UGT1A4: variants seen among roughly 807,000 people sequenced by gnomAD.
The protein encoded by UGT1A4 is UDP glucuronosyltransferase family 1 member A4.
A neutral mutation model predicts 41.1 loss-of-function variants in UGT1A4; 32 were observed. The observed-to-expected ratio is 0.78, with a 90% confidence interval of 0.59 to 1.05. The LOEUF is 1.05. Ranked by LOEUF, UGT1A4 falls within the 50% of genes least tolerant of loss-of-function variation. The pLI is 0.00. For synonymous variants in UGT1A4, 283 were observed against 265.1 expected (o/e 1.07, Z -0.66); for missense variants, 748 against 677.4 (o/e 1.10, Z -1.16).
intron 1 of UGT1A4, chr2:233,729,865 G>C (rs2077938207): frequency 3.7e-6 from 6 of 1,613,698 alleles, no homozygotes; most frequent in African/African-American, 1.3e-5. Context: ...GTCAGTGGTG[G>C]ATATTCTCAG....
chr2:233,760,683 C>G, intron 1 of UGT1A4: 1 of 1,614,204 alleles, frequency 6.2e-7, no homozygotes, highest in Non-Finnish European at 8.5e-7. Context: ...ACTTACTGCA[C>G]AACAAGGAGC....
At chr2:233,729,044 T>G (rs1356759266) in intron 1 of UGT1A4, 1 of 1,607,146 alleles carries the variant, frequency 6.2e-7, no homozygotes, top group East Asian at 2.2e-5. Context: ...AGTGGCTCAG[T>G]GACAAGGTAA....
chr2:233,726,352 A>G (rs1342546979), intron 1 of UGT1A4, among the ~76,000 whole-genome samples: 1 of 152,162 alleles, frequency 6.6e-6, no homozygotes, highest in Non-Finnish European at 1.5e-5. Context: ...TGATTTATTT[A>G]TTTAAAACAC....
intron 1 of UGT1A4, among the ~76,000 whole-genome samples, chr2:233,725,052 CGGCGCGCGCCTG>C (rs2077353834): frequency 6.8e-6 from 1 of 147,562 alleles, no homozygotes; most frequent in African/African-American, 2.5e-5. Flanking sequence ...TCAGGCGTGG[CGGCGCGCGCCTG>C]CAATCGCAGG....
At position 233,767,094 on chromosome 2, in the gene UGT1A4, T is replaced by C; in HGVS notation, c.928T>C (p.Ser310Pro). The change falls in exon 2 of 5, where the codon TCA (serine) becomes CCA (proline). Residue 310 changes from serine (S) to proline (P), a missense_variant. Ser to Pro is a moderately conservative substitution (Grantham distance 74). Transcript: ENST00000373409. ...EHGIVVFSLG[S>P]MVSEIPEKKA... is the part of the protein sequence containing the mutation. The stretch of plus-strand genomic sequence containing the variant: ...TGGAATTGTGGTTTTCTCTTTGGGA[T>C]CAATGGTCTCAGAAATTCCAGAGAA... The C allele has an allele frequency of 1.2e-6, 2 of 1,614,120 alleles. No individual in the cohort carries two copies. The highest frequency in any genetic ancestry group is 1.7e-6 in the Non-Finnish European group (2 of 1,180,014).
chr2:233,772,138 AG>A lies in UGT1A4; in HGVS notation c.1308-123del, dbSNP rs1367045628. 6 of 1,548,126 alleles carry A rather than the reference AG, an allele frequency of 3.9e-6. No homozygotes were observed. In the African/African-American group the frequency reaches 8.2e-5, roughly 21 times the overall value. ...TAAAAACAACAACAACAACAATAATAGAAACAGGTTTCCTTTCCCAAGTTTG... is the reference window on the plus strand; with the variant it reads ...TAAAAACAACAACAACAACAATAATAAAACAGGTTTCCTTTCCCAAGTTTG... On this transcript the variant is annotated intron_variant, in intron 4 of 4. Coordinates refer to ENST00000373409, the MANE Select transcript of UGT1A4 (RefSeq NM_007120.3).
At position 233,773,229 on chromosome 2, in the gene UGT1A4, G is replaced by T. The variant is rs71539604; in HGVS notation, c.*670G>T. On this transcript the variant is annotated 3_prime_UTR_variant, in exon 5 of 5. Transcript: ENST00000373409. ...AAAACCCAAAATACAGCTATGAAGT[G>T]CTGGGCAAGTTTACTTTTTTTCTGA... 2 of 152,312 alleles carry T rather than the reference G, an allele frequency of 1.3e-5. No individual in the cohort carries two copies. The highest frequency in any genetic ancestry group is 2.9e-5 in the Non-Finnish European group (2 of 68,032). The allele number at this position is 152,312 out of a possible 1,614,324, so 9.4% of individuals were successfully genotyped here.
At chr2:233,743,997 T>A (rs1692639058) in intron 1 of UGT1A4, 2 of 1,236,004 alleles carry the variant, frequency 1.6e-6, no homozygotes, top group Non-Finnish European at 2.1e-6. Flanking sequence ...GCCCGAGTGC[T>A]CGGAGACCTG....
intron 1 of UGT1A4, among the ~76,000 whole-genome samples, chr2:233,765,026 C>T (rs2741015): frequency 2.6e-5 from 4 of 151,980 alleles, no homozygotes; most frequent in Admixed American, 2.0e-4. Context: ...TGGCAGGAGT[C>T]CTGCTGTGCA....
At chr2:233,722,847 T>TATGAAGACACTAC (rs1484611213) in intron 1 of UGT1A4, among the ~76,000 whole-genome samples, 1 of 139,226 alleles carries the variant, frequency 7.2e-6, no homozygotes, top group African/African-American at 2.9e-5. Flanking sequence ...GAATGTTTCT[T>TATGAAGACACTAC]TTTTTTTTTT....
In UGT1A4 at chr2:233,761,002, CAG is replaced by C. The variant is rs797046091; in HGVS notation, c.868-6025_868-6024del. On this transcript the variant is annotated intron_variant, in intron 1 of 4. Coordinates refer to ENST00000373409, the MANE Select transcript of UGT1A4 (RefSeq NM_007120.3). The stretch of plus-strand genomic sequence containing the variant: ...TGCAACCCTTGCCTCAGAATTCCTT[CAG>C]AGAGAGGTGACTGTCCAGGACCTAT... The C allele has an allele frequency of 1.5e-5, 25 of 1,614,060 alleles. No individual in the cohort carries two copies. Among genetic ancestry groups the C allele is most frequent in the Non-Finnish European group, 2.0e-5 (24 of 1,180,054 alleles).
intron 4 of UGT1A4, chr2:233,770,377 G>C (rs1211488828): frequency 6.6e-6 from 1 of 152,200 alleles, no homozygotes; most frequent in African/African-American, 2.4e-5. Flanking sequence ...GTTCTGGCCA[G>C]GTACGGTGGC....
At chr2:233,760,524 C>A in intron 1 of UGT1A4, 1 of 1,614,240 alleles carries the variant, frequency 6.2e-7, no homozygotes, top group Non-Finnish European at 8.5e-7. Context: ...TGAAGACGTA[C>A]CCTGTGCCAT....
rs1187391866 is a variant in UGT1A4 at position 233,724,541 on chromosome 2, C to T, written c.867+4854C>T. Among the ~76,000 whole-genome samples the T allele has an allele frequency of 2.0e-4, 24 of 122,440 alleles. 1 individual carries two copies. Among genetic ancestry groups the T allele is most frequent in the Admixed American group, 1.0e-3 (13 of 12,646 alleles). 80.3% of individuals were successfully genotyped at this position (122,440 alleles called of 152,430 possible). On this transcript the variant is annotated intron_variant, in intron 1 of 4. Transcript: ENST00000373409. ...CAGATGGGGTCTCGCCGGGCAGAGG[C>T]GCTCCTCACATCCCAGATGGGGCGG... is the stretch of plus-strand genomic sequence containing the variant.
chr2:233,733,760 A>C (rs2078435116), intron 1 of UGT1A4, among the ~76,000 whole-genome samples: 1 of 152,132 alleles, frequency 6.6e-6, no homozygotes, highest in Non-Finnish European at 1.5e-5. Flanking sequence ...ATTTGTCTAA[A>C]ATTTTCTTTT....
At position 233,755,271 on chromosome 2, in the gene UGT1A4, C is replaced by T. The variant is rs549656252; in HGVS notation, c.868-11763C>T. ...CAGCACCTCGTAGTAGTCCACTATGCTGGACTGCCAAAGAGCCTGCGGGGC... is the reference window on the plus strand; with the variant it reads ...CAGCACCTCGTAGTAGTCCACTATGTTGGACTGCCAAAGAGCCTGCGGGGC... On this transcript the variant is annotated intron_variant, in intron 1 of 4. Transcript: ENST00000373409. The T allele has an allele frequency of 4.5e-5, 34 of 755,818 alleles. No individual in the cohort carries two copies. In the African/African-American group the frequency reaches 6.1e-4, roughly 13 times the overall value. 46.8% of individuals were successfully genotyped at this position (755,818 alleles called of 1,614,324 possible). A position where few individuals can be genotyped will look rare whatever the true frequency, so the allele number is the denominator to read the frequency against.
At chr2:233,732,150 T>C (rs1356402869) in intron 1 of UGT1A4, among the ~76,000 whole-genome samples, 1 of 152,152 alleles carries the variant, frequency 6.6e-6, no homozygotes. Flanking sequence ...GTTTTTTTTC[T>C]TGTAAATTTG....
At position 233,719,328 on chromosome 2, in the gene UGT1A4, G is replaced by T. The variant is rs776987422; in HGVS notation, c.508G>T (p.Val170Leu). 6.2e-7 allele frequency: 1 copy of T among 1,613,970 alleles called. No homozygotes were observed. Among genetic ancestry groups the T allele is most frequent in the South Asian group, 1.1e-5 (1 of 91,074 alleles). The part of the protein sequence containing the change: ...VLAKYLSIPA[V>L]FFWRYIPCDL... Reference sequence around the variant, plus strand: ...GGCTAAGTACCTGTCGATTCCTGCTGTGTTTTTTTGGAGGTACATTCCATG... The same window carrying T: ...GGCTAAGTACCTGTCGATTCCTGCTTTGTTTTTTTGGAGGTACATTCCATG... Residue 170 changes from valine (V) to leucine (L), a missense_variant, in exon 1 of 5, where the codon GTG becomes TTG. Physicochemically the swap from Val to Leu is conservative, Grantham distance 32. Coordinates refer to ENST00000373409, the MANE Select transcript of UGT1A4 (RefSeq NM_007120.3).
In UGT1A4 at chr2:233,769,479, G is replaced by A; in HGVS notation, c.1307+1040G>A. The A allele has an allele frequency of 6.2e-7, 1 of 1,611,314 alleles. No homozygotes were observed. The highest frequency in any genetic ancestry group is 8.5e-7 in the Non-Finnish European group (1 of 1,178,748). ...CATTCATATGCGTGTGTGTGTGTGT[G>A]CGTGTGTTTATGAGAGTGTCCATTG... is the stretch of plus-strand genomic sequence containing the variant. On this transcript the variant is annotated intron_variant, in intron 4 of 4. Coordinates refer to ENST00000373409, the MANE Select transcript of UGT1A4 (RefSeq NM_007120.3). This position sits in a 1 kb window ranked among gnomAD's most constrained non-coding sequence, Gnocchi z 4.4.
Sources: gnomAD v4.1 joint callset for allele counts (sites outside exome capture counted in the v4.1 genomes callset) on GRCh38, gnomAD v4.1.1 for gene constraint, Gnocchi (gnomAD v3.1) non-coding constraint, MANE v1.5 for transcripts, NCBI Gene and HGNC (gene_info 2026-07-23, HGNC 2026-07-21) for gene names.